GFRA1: variants seen among roughly 807,000 people sequenced by gnomAD.
GFRA1 encodes GDNF family receptor alpha 1.
GFRA1 carries 16 observed loss-of-function variants against 51.6 expected under a neutral mutation model. That is an observed-to-expected ratio of 0.31 (90% confidence interval 0.21 to 0.47). GFRA1 has a LOEUF of 0.47. Ranked by LOEUF, GFRA1 falls within the 20% of genes least tolerant of loss-of-function variation. GFRA1 has a pLI of 1.00. For missense variants in GFRA1, 530 were observed against 594.3 expected (o/e 0.89, Z 1.13); for synonymous variants, 270 against 241.3 (o/e 1.12, Z -1.10).
chr10:116,253,187 C>T (rs943635807), intron 4 of GFRA1, among the ~76,000 whole-genome samples: 4 of 152,184 alleles, frequency 2.6e-5, no homozygotes, highest in African/African-American at 9.7e-5. Context: ...TAGGAAATAC[C>T]ACAGCAAGAG....
intron 4 of GFRA1, among the ~76,000 whole-genome samples, chr10:116,247,984 A>G (rs1968004958): frequency 6.6e-6 from 1 of 152,166 alleles, no homozygotes; most frequent in Non-Finnish European, 1.5e-5. Context: ...TCTGTTTTAA[A>G]ATGATATGGT....
chr10:116,066,797 A>G (rs1355843748), intron 9 of GFRA1, among the ~76,000 whole-genome samples: 1 of 152,196 alleles, frequency 6.6e-6, no homozygotes, highest in Non-Finnish European at 1.5e-5. Flanking sequence ...TGACAGACAG[A>G]GAGCTTATTT....
chr10:116,184,878 C>T (rs1962558595), intron 5 of GFRA1, among the ~76,000 whole-genome samples: 1 of 152,224 alleles, frequency 6.6e-6, no homozygotes, highest in Non-Finnish European at 1.5e-5. Flanking sequence ...CCAACAGACA[C>T]AGTCCATCTG....
chr10:116,163,305 C>T (rs74160639), intron 5 of GFRA1, among the ~76,000 whole-genome samples: 5,243 of 152,276 alleles, frequency 0.034, 314 homozygotes, highest in African/African-American at 0.12. Flanking sequence ...CCTGTCCACA[C>T]CAAGTGCCCA....
chr10:116,157,787 A>T (rs1385971707), intron 5 of GFRA1, among the ~76,000 whole-genome samples: 1 of 152,230 alleles, frequency 6.6e-6, no homozygotes, highest in Non-Finnish European at 1.5e-5. Context: ...TCCTATTTCC[A>T]GCACTGTATA....
At chr10:116,230,757 C>T (rs780292699) in intron 4 of GFRA1, among the ~76,000 whole-genome samples, 1 of 151,384 alleles carries the variant, frequency 6.6e-6, no homozygotes, top group Non-Finnish European at 1.5e-5. Flanking sequence ...CAATTTAACA[C>T]AAGAAAAACA....
chr10:116,115,030 T>C (rs772730720), intron 6 of GFRA1, among the ~76,000 whole-genome samples: 10 of 152,148 alleles, frequency 6.6e-5, no homozygotes, highest in Admixed American at 2.0e-4. Flanking sequence ...CACTGACAAC[T>C]ACTGGGGAAG....
chr10:116,196,847 A>AT (rs770988253), intron 5 of GFRA1, among the ~76,000 whole-genome samples: 3,543 of 93,466 alleles, frequency 0.038, 100 homozygotes, highest in Middle Eastern at 0.075. Context: ...ATATATATAT[A>AT]TTTTTTTTCC....
intron 4 of GFRA1, among the ~76,000 whole-genome samples, chr10:116,260,019 G>T (rs1247058827): frequency 6.6e-6 from 1 of 152,210 alleles, no homozygotes; most frequent in Non-Finnish European, 1.5e-5. Context: ...CCTTTAAAGA[G>T]ACTGAGGATT....
chr10:116,270,079 T>C lies in GFRA1; in HGVS notation c.335-493A>G, dbSNP rs369203404. The stretch of plus-strand genomic sequence containing the variant: ...TGACCGCTGACAGGTCAAATCTGTA[T>C]AATACAAATCTCCAGTGTGAGTCTC... On this transcript the variant is annotated intron_variant, in intron 3 of 10. Transcript: ENST00000355422. 3.1e-4 allele frequency among the ~76,000 whole-genome samples: 47 copies of C among 152,300 alleles called. 1 individual carries two copies. The highest frequency in any genetic ancestry group is 6.7e-4 in the African/African-American group (28 of 41,560).
chr10:116,230,475 C>T (rs750520091), intron 4 of GFRA1, among the ~76,000 whole-genome samples: 1 of 152,140 alleles, frequency 6.6e-6, no homozygotes, highest in South Asian at 2.1e-4. Context: ...ATCTGCTCCT[C>T]GTAAGTTCCT....
At chr10:116,240,877 A>C (rs1291940996) in intron 4 of GFRA1, among the ~76,000 whole-genome samples, 1 of 152,192 alleles carries the variant, frequency 6.6e-6, no homozygotes, top group Non-Finnish European at 1.5e-5. Context: ...TAAGAATTTT[A>C]ATCTTCAAAA....
At chr10:116,274,560 G>A (rs1343586076), upstream of GFRA1, among the ~76,000 whole-genome samples, 3 of 152,122 alleles carry the variant, frequency 2.0e-5, no homozygotes, top group Admixed American at 6.6e-5. Flanking sequence ...GCGCCCCTCG[G>A]CTGCAGCGGC....
At chr10:116,176,491 C>T (rs1961611797) in intron 5 of GFRA1, among the ~76,000 whole-genome samples, 1 of 151,910 alleles carries the variant, frequency 6.6e-6, no homozygotes, top group South Asian at 2.1e-4. Flanking sequence ...TGGCACCTCC[C>T]CCCACCACTC....
At chr10:116,182,437 C>T (rs1962325984) in intron 5 of GFRA1, among the ~76,000 whole-genome samples, 1 of 152,156 alleles carries the variant, frequency 6.6e-6, no homozygotes, top group Non-Finnish European at 1.5e-5. Context: ...ACCCCCAGCC[C>T]CCAGAAGTCA....
chr10:116,139,646 T>A (rs576518510), intron 5 of GFRA1, among the ~76,000 whole-genome samples: 1 of 152,358 alleles, frequency 6.6e-6, no homozygotes, highest in Non-Finnish European at 1.5e-5. Flanking sequence ...TAATGCTTCC[T>A]GCAGCACCCC....
chr10:116,150,872 G>A (rs1436226874), intron 5 of GFRA1, among the ~76,000 whole-genome samples: 1 of 152,106 alleles, frequency 6.6e-6, no homozygotes, highest in East Asian at 1.9e-4. Context: ...TGATTCAGAT[G>A]TTAGTTCTGT....
At chr10:116,104,482 T>C (rs1956935855) in intron 6 of GFRA1, among the ~76,000 whole-genome samples, 1 of 152,184 alleles carries the variant, frequency 6.6e-6, no homozygotes, top group Non-Finnish European at 1.5e-5. Context: ...ACAGGGGCTC[T>C]GGCAAAGCTT....
At chr10:116,211,853 C>A (rs1589876934) in intron 4 of GFRA1, among the ~76,000 whole-genome samples, 2 of 152,308 alleles carry the variant, frequency 1.3e-5, no homozygotes, top group Middle Eastern at 3.4e-3. Context: ...TGGCCTCACA[C>A]TTACTAACTC....
Sources: allele counts gnomAD v4.1 joint callset (sites outside exome capture counted in the v4.1 genomes callset), GRCh38; gene constraint gnomAD v4.1.1; transcripts MANE v1.5; gene names NCBI Gene and HGNC (gene_info 2026-07-23, HGNC 2026-07-21).